The following IL1RAPL2 variants were observed in gnomAD, a reference collection of about 807,000 sequenced individuals.
The protein encoded by IL1RAPL2 is X-linked interleukin-1 receptor accessory protein-like 2.
Under a neutral mutation model 44.1 loss-of-function variants are expected in IL1RAPL2, and 3 were observed. That is an observed-to-expected ratio of 0.07 (90% CI 0.03 to 0.18). IL1RAPL2 has a LOEUF of 0.18. IL1RAPL2 is among the 10% of genes least tolerant of loss of function. The probability of loss-of-function intolerance (pLI) is 1.00; values close to 1 mark genes in which losing one functional copy is unlikely to be tolerated. For synonymous variants in IL1RAPL2, 181 were observed against 178.8 expected, an observed-to-expected ratio of 1.01 and a Z score of -0.10; for missense variants, 391 against 496.4, an observed-to-expected ratio of 0.79 and a Z score of 2.02.
At chrX:105,514,339 C>T (rs1298110830) in intron 6 of IL1RAPL2, among the ~76,000 whole-genome samples, 1 of 111,544 alleles carries the variant, frequency 9.0e-6, no homozygotes, top group Non-Finnish European at 1.9e-5. Flanking sequence ...ATGGGTGGGG[C>T]ATCAAGAAAC....
chrX:105,325,676 A>G (rs1315364801), intron 5 of IL1RAPL2, among the ~76,000 whole-genome samples: 2 of 107,544 alleles, frequency 1.9e-5, no homozygotes, highest in Admixed American at 1.0e-4. Context: ...TGACTGCACC[A>G]TTTTACATTT....
intron 5 of IL1RAPL2, among the ~76,000 whole-genome samples, chrX:105,318,225 G>A (rs1189470637): frequency 4.5e-5 from 5 of 110,923 alleles, no homozygotes; most frequent in African/African-American, 1.3e-4. Flanking sequence ...CGCCCACCTC[G>A]GCCTCCCAAA....
At chrX:104,597,774 C>T (rs778439246) in intron 1 of IL1RAPL2, among the ~76,000 whole-genome samples, 2 of 110,360 alleles carry the variant, frequency 1.8e-5, no homozygotes, top group South Asian at 7.8e-4. Context: ...CAAATGGAAG[C>T]ACCATGAACA....
chrX:104,835,939 T>C (rs1371993090), intron 2 of IL1RAPL2, among the ~76,000 whole-genome samples: 2 of 111,935 alleles, frequency 1.8e-5, no homozygotes, highest in African/African-American at 3.2e-5. Context: ...ATTGGATCTA[T>C]GTTACTGTTT....
chrX:104,841,080 G>A (rs1316347612), intron 2 of IL1RAPL2, among the ~76,000 whole-genome samples: 4 of 111,442 alleles, frequency 3.6e-5, no homozygotes, highest in Non-Finnish European at 3.8e-5. Flanking sequence ...CCAGTATTGA[G>A]TGCATATATA....
chrX:104,863,995 A>G (rs1246489433), intron 2 of IL1RAPL2, among the ~76,000 whole-genome samples: 1 of 111,915 alleles, frequency 8.9e-6, no homozygotes, highest in Non-Finnish European at 1.9e-5. Flanking sequence ...GAATAGTATA[A>G]GACTTCCTTT....
chrX:104,730,126 A>C (rs1185987826), intron 2 of IL1RAPL2, among the ~76,000 whole-genome samples: 1 of 111,597 alleles, frequency 9.0e-6, no homozygotes, highest in African/African-American at 3.3e-5. Context: ...AGTTAGTCTC[A>C]AATATATAAA....
intron 2 of IL1RAPL2, among the ~76,000 whole-genome samples, chrX:105,030,441 TC>T (rs931968496): frequency 8.9e-6 from 1 of 112,040 alleles, no homozygotes; most frequent in African/African-American, 3.2e-5. Flanking sequence ...AAAGAAGGGA[TC>T]CAGTTTCAGC....
intron 3 of IL1RAPL2, chrX:105,220,245 C>T: frequency 3.3e-6 from 4 of 1,211,655 alleles, no homozygotes; most frequent in Non-Finnish European, 4.5e-6. Context: ...CCAGTATGGC[C>T]CTCAGCTTGT....
intron 3 of IL1RAPL2, among the ~76,000 whole-genome samples, chrX:105,216,349 T>C (rs782262555): frequency 1.8e-5 from 2 of 110,499 alleles, no homozygotes; most frequent in Non-Finnish European, 3.8e-5. Flanking sequence ...ATGAGTGAAC[T>C]CCCATTCACA....
chrX:104,802,908 G>C (rs1418290044), intron 2 of IL1RAPL2, among the ~76,000 whole-genome samples: 1 of 111,091 alleles, frequency 9.0e-6, no homozygotes, highest in Non-Finnish European at 1.9e-5. Flanking sequence ...TGGTTACCCA[G>C]TGAAAGATCT....
At chrX:105,658,889 C>T (rs2147846341) in intron 6 of IL1RAPL2, among the ~76,000 whole-genome samples, 1 of 102,144 alleles carries the variant, frequency 9.8e-6, no homozygotes, top group East Asian at 3.1e-4. Context: ...TTGAACTTGG[C>T]AGGCGGAGGT....
intron 6 of IL1RAPL2, among the ~76,000 whole-genome samples, chrX:105,572,519 A>G (rs2037021799): frequency 8.9e-6 from 1 of 112,159 alleles, no homozygotes; most frequent in African/African-American, 3.2e-5. Flanking sequence ...TCAACTTTGA[A>G]AAATTCTAAT....
intron 2 of IL1RAPL2, among the ~76,000 whole-genome samples, chrX:104,965,156 C>T (rs2030094763): frequency 9.0e-6 from 1 of 111,611 alleles, no homozygotes; most frequent in Admixed American, 9.5e-5. Flanking sequence ...TCATAAGGAA[C>T]AGGAGATGAA....
Position 104,848,864 on chromosome X carries a change from G to C in IL1RAPL2, c.82+189869G>C, listed in dbSNP as rs1922139696. 2.7e-5 allele frequency among the ~76,000 whole-genome samples: 3 copies of C among 110,229 alleles called. No individual in the cohort carries two copies. In the Admixed American group the frequency reaches 2.9e-4, roughly 11 times the overall value. The stretch of plus-strand genomic sequence containing the variant: ...TTAAGTATTCAAGAACAAACTTATG[G>C]TTAGTAATTTATGTTTTAGTATTTT... On this transcript the variant is annotated intron_variant, in intron 2 of 10. Transcript: ENST00000372582.
intron 2 of IL1RAPL2, among the ~76,000 whole-genome samples, chrX:105,127,447 T>A (rs1475025696): frequency 2.7e-5 from 3 of 111,486 alleles, no homozygotes; most frequent in African/African-American, 9.7e-5. Flanking sequence ...AGTGGCTAGT[T>A]TGAGCATGAG....
chrX:105,653,991 A>G (rs1205344582), intron 6 of IL1RAPL2, among the ~76,000 whole-genome samples: 2 of 110,620 alleles, frequency 1.8e-5, no homozygotes, highest in African/African-American at 6.7e-5. Flanking sequence ...ACACACACAC[A>G]CGCACACACC....
chrX:104,851,578 C>T (rs764994627), intron 2 of IL1RAPL2, among the ~76,000 whole-genome samples: 2 of 111,422 alleles, frequency 1.8e-5, no homozygotes, highest in Non-Finnish European at 3.8e-5. Flanking sequence ...AAGGAACTCA[C>T]GAAAATAGAG....
chrX:105,649,309 G>T (rs1174757160), intron 6 of IL1RAPL2, among the ~76,000 whole-genome samples: 5 of 110,378 alleles, frequency 4.5e-5, no homozygotes, highest in African/African-American at 1.6e-4. Flanking sequence ...AGCAAAAAGA[G>T]GCAAATAGAG....
Sources: allele counts gnomAD v4.1 joint callset (sites outside exome capture counted in the v4.1 genomes callset), GRCh38; gene constraint gnomAD v4.1.1; transcripts MANE v1.5; gene names NCBI Gene and HGNC (gene_info 2026-07-23, HGNC 2026-07-21).